The following SPAG1 variants were observed in gnomAD, a reference collection of about 807,000 sequenced individuals.
The protein encoded by SPAG1 is sperm associated antigen 1, also known as sperm-associated antigen 1.
SPAG1 carries 69 observed loss-of-function variants against 100.5 expected under a neutral mutation model. That is an observed-to-expected ratio of 0.69 (90% CI 0.57 to 0.84). The LOEUF is 0.84. SPAG1 is among the 40% of genes least tolerant of loss of function. The pLI is 0.00. For missense variants in SPAG1, 955 were observed against 1,133.1 expected (o/e 0.84, Z 2.26); for synonymous variants, 336 against 411.6 (o/e 0.82, Z 2.22).
chr8:100,174,977 T>A (rs1313457989), intron 3 of SPAG1, among the ~76,000 whole-genome samples: 1 of 151,850 alleles, frequency 6.6e-6, no homozygotes. Context: ...TGGCTTTTTT[T>A]TTTTTTTTTC....
At chr8:100,212,500 G>A (rs1817757514) in intron 10 of SPAG1, among the ~76,000 whole-genome samples, 1 of 152,106 alleles carries the variant, frequency 6.6e-6, no homozygotes, top group Non-Finnish European at 1.5e-5. Flanking sequence ...GAAATTTTTA[G>A]TTTGAATAAG....
In SPAG1 at chr8:100,160,041, G is replaced by A. The variant is rs73279007; in HGVS notation, c.-3+1425G>A. On this transcript the variant is annotated intron_variant, in intron 1 of 18. Coordinates refer to ENST00000388798, the MANE Select transcript of SPAG1 (RefSeq NM_003114.5). ...AAAACCTACCCGGTACAGTAATTGAGGGATTAAATGAAGTAATATATGTAA... is the reference window on the plus strand; with the variant it reads ...AAAACCTACCCGGTACAGTAATTGAAGGATTAAATGAAGTAATATATGTAA... Among the ~76,000 whole-genome samples, 917 of 152,284 alleles carry A rather than the reference G, an allele frequency of 6.0e-3. 15 individuals are homozygous for A. Among genetic ancestry groups the A allele is most frequent in the African/African-American group, 0.021 (890 of 41,546 alleles).
chr8:100,165,703 C>T, intron 2 of SPAG1, 111 bp from the exon 3 acceptor site: 1 of 739,522 alleles, frequency 1.4e-6, no homozygotes, highest in Non-Finnish European at 2.2e-6. Flanking sequence ...GGAAGCAGCC[C>T]TTGAGATCTC....
In SPAG1 at chr8:100,239,906, A is replaced by G. The variant is rs1586568190; in HGVS notation, c.2281-497A>G. Reference sequence around the variant, plus strand: ...ATAACTAAAATGTTTTTCTCTGCCTAATATTAGGGAAGAATGTTAGGCTGT... The same window carrying G: ...ATAACTAAAATGTTTTTCTCTGCCTGATATTAGGGAAGAATGTTAGGCTGT... On this transcript the variant is annotated intron_variant, in intron 17 of 18. Transcript: ENST00000388798. This position sits in a 1 kb window ranked among gnomAD's most constrained non-coding sequence, Gnocchi z 5.0. 6.6e-6 allele frequency among the ~76,000 whole-genome samples: 1 copy of G among 152,182 alleles called. No individual in the cohort carries two copies. Among genetic ancestry groups the G allele is most frequent in the African/African-American group, 2.4e-5 (1 of 41,442 alleles).
Position 100,200,996 on chromosome 8 carries a change from A to AT in SPAG1, c.1096+6735dup, listed in dbSNP as rs1212531773. ...TTTTTCAGAGCCCCCCTTAAGAAAG[A>AT]TTTTTTTCAGATTTTTTTTCTTTTG... On this transcript the variant is annotated intron_variant, in intron 10 of 18. Coordinates refer to ENST00000388798, the MANE Select transcript of SPAG1 (RefSeq NM_003114.5). Among the ~76,000 whole-genome samples, 3 of 151,270 alleles carry AT rather than the reference A, an allele frequency of 2.0e-5. No homozygotes were observed. In the East Asian group the frequency reaches 5.8e-4, roughly 29 times the overall value.
rs773106106 is a variant in SPAG1, at chr8:100,240,902, A to G, written c.2661A>G (p.Thr887=). 2.5e-6 allele frequency: 4 copies of G among 1,596,484 alleles called. No individual in the cohort carries two copies. Among genetic ancestry groups the G allele is most frequent in the African/African-American group, 2.7e-5 (2 of 73,268 alleles). The change falls in exon 19 of 19, where the codon ACA becomes ACG. Residue 887 remains threonine, a synonymous_variant. Coordinates refer to ENST00000388798, the MANE Select transcript of SPAG1 (RefSeq NM_003114.5). ...TTTGCTTCTTTTAGATGATGTTGAC[A>G]CTAATTAGCAAGGGCCAAAAGGAGC... ...SKAERFKMML[T]LISKGQKELI... is the part of the protein sequence containing the mutation.
chr8:100,235,039 T>G (rs527980119), intron 16 of SPAG1, among the ~76,000 whole-genome samples: 1 of 152,306 alleles, frequency 6.6e-6, no homozygotes, highest in South Asian at 2.1e-4. Context: ...GTGGCTGCTA[T>G]AACAAAGCGC....
At chr8:100,238,273 G>T (rs1372262593) in intron 16 of SPAG1, among the ~76,000 whole-genome samples, 1 of 152,106 alleles carries the variant, frequency 6.6e-6, no homozygotes, top group South Asian at 2.1e-4. Context: ...ATAAACTAGA[G>T]CAGATTTAAG....
At chr8:100,171,172 C>T (rs991547948) in intron 3 of SPAG1, among the ~76,000 whole-genome samples, 3 of 152,102 alleles carry the variant, frequency 2.0e-5, no homozygotes, top group Non-Finnish European at 2.9e-5. Context: ...TTATACCAAC[C>T]TTACATTCCA....
chr8:100,162,493 A>AC, intron 2 of SPAG1, 73 bp downstream of exon 2: 4 of 1,212,862 alleles, frequency 3.3e-6, no homozygotes, highest in Non-Finnish European at 4.5e-6. Flanking sequence ...TCTAAAGGTA[A>AC]AAGCTACATT....
chr8:100,172,028 G>C (rs1005895828), intron 3 of SPAG1, among the ~76,000 whole-genome samples: 1 of 151,966 alleles, frequency 6.6e-6, no homozygotes, highest in African/African-American at 2.4e-5. Context: ...CCGAGAAGCT[G>C]GGATTACAGG....
intron 12 of SPAG1, among the ~76,000 whole-genome samples, chr8:100,214,906 G>T (rs1372425823): frequency 6.7e-6 from 1 of 149,784 alleles, no homozygotes; most frequent in Non-Finnish European, 1.5e-5. Context: ...CTTGAACCTG[G>T]GAGGCAGATG....
intron 3 of SPAG1, among the ~76,000 whole-genome samples, chr8:100,170,738 T>G (rs965979271): frequency 2.0e-5 from 3 of 152,144 alleles, no homozygotes; most frequent in Non-Finnish European, 2.9e-5. Flanking sequence ...TTCATTGGAT[T>G]TTCTACCTGC....
At chr8:100,232,285 C>T (rs770267250) in intron 15 of SPAG1, among the ~76,000 whole-genome samples, 11 of 152,068 alleles carry the variant, frequency 7.2e-5, no homozygotes, top group South Asian at 2.1e-4. Flanking sequence ...GCCTGGTTCT[C>T]GTCCTCTCCC....
In SPAG1 at chr8:100,183,962, C is replaced by A; in HGVS notation, c.495C>A (p.Asp165Glu). The A allele has an allele frequency of 6.7e-7, 1 of 1,487,658 alleles. No homozygotes were observed. The highest frequency in any genetic ancestry group is 9.1e-7 in the Non-Finnish European group (1 of 1,103,246). The allele number at this position is 1,487,658 out of a possible 1,614,324, so 92.2% of individuals were successfully genotyped here. A position where few individuals can be genotyped will look rare whatever the true frequency, so the allele number is the denominator to read the frequency against. Reference sequence around the variant, plus strand: ...TATTGTTCTTTCATTTAAGATTTGACGTGGAGAAGGAATGTTTAAAAATTG... The same window carrying A: ...TATTGTTCTTTCATTTAAGATTTGAAGTGGAGAAGGAATGTTTAAAAATTG... ...PRDYAEWDKF[D>E]VEKECLKIDE... The change falls in exon 6 of 19, where the codon GAC becomes GAA. Residue 165 changes from aspartate to glutamate, a missense_variant. Transcript: ENST00000388798.
In SPAG1 at chr8:100,165,096, G is replaced by A. The variant is rs150903086; in HGVS notation, c.141-718G>A. On this transcript the variant is annotated intron_variant, in intron 2 of 18. Coordinates refer to ENST00000388798, the MANE Select transcript of SPAG1 (RefSeq NM_003114.5). ...GTACAGACAACAAACAGGGACAGATGAGTCTCATTATTCATTGACTCTTGG... is the reference window on the plus strand; with the variant it reads ...GTACAGACAACAAACAGGGACAGATAAGTCTCATTATTCATTGACTCTTGG... 1.3e-4 allele frequency: 46 copies of A among 347,566 alleles called. No homozygotes were observed. The East Asian group carries it at 2.0e-3, about 15-fold the overall frequency. The allele number at this position is 347,566 out of a possible 1,614,324, so 21.5% of individuals were successfully genotyped here. A position where few individuals can be genotyped will look rare whatever the true frequency, so the allele number is the denominator to read the frequency against.
chr8:100,213,011 C>CA, intron 10 of SPAG1, 79 bp from the exon 11 acceptor site: 1 of 1,215,454 alleles, frequency 8.2e-7, no homozygotes, highest in South Asian at 1.8e-5. Context: ...GCGTCCTGCA[C>CA]CCCCGCGGCC....
rs891657557 is a variant in SPAG1, at chr8:100,213,163, T to C, written c.1170T>C (p.Thr390=). 2 of 1,474,512 alleles carry C rather than the reference T, an allele frequency of 1.4e-6. No homozygotes were observed. Among genetic ancestry groups the C allele is most frequent in the Admixed American group, 2.4e-5 (1 of 42,416 alleles). The allele number at this position is 1,474,512 out of a possible 1,614,324, so 91.3% of individuals were successfully genotyped here. A position where few individuals can be genotyped will look rare whatever the true frequency, so the allele number is the denominator to read the frequency against. The part of the protein sequence containing the change: ...CVMGNIQKKL[T]GKAEGGKRPA... ...TGGGCAACATCCAGAAGAAGCTGACTGGCAAAGCCGAAGGCGGCAAGCGGC... is the reference window on the plus strand; with the variant it reads ...TGGGCAACATCCAGAAGAAGCTGACCGGCAAAGCCGAAGGCGGCAAGCGGC... Residue 390 remains threonine (T), a synonymous_variant, in exon 11 of 19, where the codon ACT becomes ACC. Coordinates refer to ENST00000388798, the MANE Select transcript of SPAG1 (RefSeq NM_003114.5).
In SPAG1 at chr8:100,214,215, A is replaced by G. The variant is rs1866788; in HGVS notation, c.1535+297A>G. Among the ~76,000 whole-genome samples the G allele has an allele frequency of 0.33, 50,329 of 152,148 alleles. 8,900 individuals are homozygous for G. Among genetic ancestry groups the G allele is most frequent in the East Asian group, 0.51 (2,643 of 5,190 alleles). On this transcript the variant is annotated intron_variant, in intron 12 of 18. Coordinates refer to ENST00000388798, the MANE Select transcript of SPAG1 (RefSeq NM_003114.5). The stretch of plus-strand genomic sequence containing the variant: ...AATTCCAATCCACTGCGGCATCAGA[A>G]TAACTTTCCTGAAACATTATTTTGT...
Sources: allele counts gnomAD v4.1 joint callset (sites outside exome capture counted in the v4.1 genomes callset), GRCh38; gene constraint gnomAD v4.1.1; non-coding constraint Gnocchi (gnomAD v3.1); transcripts MANE v1.5; gene names NCBI Gene and HGNC (gene_info 2026-07-23, HGNC 2026-07-21).